The following GPR65 variants were observed in gnomAD, a reference collection of about 807,000 sequenced individuals.
The protein encoded by GPR65 is G protein-coupled receptor 65, also known as T-cell death-associated gene 8 protein.
A neutral mutation model predicts 0.7 loss-of-function variants in GPR65; 2 were observed. That is an observed-to-expected ratio of 2.83 (90% CI 1.16 to 8.92). GPR65 has a LOEUF of 8.92. GPR65 is among the 30% of genes most tolerant of loss of function. GPR65 has a pLI of 0.04. For missense variants in GPR65, 379 were observed against 399.4 expected, an observed-to-expected ratio of 0.95 and a Z score of 0.43; for synonymous variants, 128 against 146.5, an observed-to-expected ratio of 0.87 and a Z score of 0.91.
chr14:88,007,784 C>CTCTCTGTG (rs1555385214), intron 1 of GPR65, among the ~76,000 whole-genome samples: 1 of 114,028 alleles, frequency 8.8e-6, no homozygotes, highest in African/African-American at 3.6e-5. Context: ...ATTATTCTCT[C>CTCTCTGTG]TGTGTGTATG....
At chr14:88,008,672 G>T (rs1887632263) in intron 1 of GPR65, among the ~76,000 whole-genome samples, 3 of 152,100 alleles carry the variant, frequency 2.0e-5, no homozygotes, top group Admixed American at 2.0e-4. Flanking sequence ...ACCTAGAGGT[G>T]GAATTGCTGG....
chr14:88,006,760 A>G (rs1887600164), intron 1 of GPR65, among the ~76,000 whole-genome samples: 1 of 152,148 alleles, frequency 6.6e-6, no homozygotes, highest in African/African-American at 2.4e-5. Flanking sequence ...CCCAAGACAC[A>G]TGAGCCTGGT....
rs1040220344 is a variant in GPR65, at chr14:88,010,455, C to A, written c.-393C>A. The A allele has an allele frequency of 1.2e-5, 2 of 170,660 alleles. No homozygotes were observed. Among genetic ancestry groups the A allele is most frequent in the South Asian group, 2.9e-4 (2 of 6,922 alleles). The allele number at this position is 170,660 out of a possible 1,614,324, so 10.6% of individuals were successfully genotyped here. Reference sequence around the variant, plus strand: ...ACAAAGCCTTGTATATTCATGTTTGCACCAATCTACTGTGAGATTTATGAA... The same window carrying A: ...ACAAAGCCTTGTATATTCATGTTTGAACCAATCTACTGTGAGATTTATGAA... On this transcript the variant is annotated 5_prime_UTR_variant, in exon 2 of 2. Coordinates refer to ENST00000267549, the MANE Select transcript of GPR65 (RefSeq NM_003608.4).
chr14:88,014,684 T>C lies in GPR65; in HGVS notation c.*2823T>C, dbSNP rs935675334. 3.3e-5 allele frequency: 5 copies of C among 152,130 alleles called. No individual in the cohort carries two copies. The highest frequency in any genetic ancestry group is 1.2e-4 in the African/African-American group (5 of 41,446). The allele number at this position is 152,130 out of a possible 1,614,324, so 9.4% of individuals were successfully genotyped here. ...CTCCTCAAATAATGTTACAATTCGA[T>C]GTTCAAAAAGCAATCCAGGTACATA... On this transcript the variant is annotated 3_prime_UTR_variant, in exon 2 of 2. Coordinates refer to ENST00000267549, the MANE Select transcript of GPR65 (RefSeq NM_003608.4).
In GPR65 at chr14:88,012,126, G is replaced by A; in HGVS notation, c.*265G>A. 1 of 281,480 alleles carries A rather than the reference G, an allele frequency of 3.6e-6. No homozygotes were observed. The highest frequency in any genetic ancestry group is 7.1e-6 in the Non-Finnish European group (1 of 140,982). The allele number at this position is 281,480 out of a possible 1,614,324, so 17.4% of individuals were successfully genotyped here. ...TAATGCCAATTGTTTTTGTATCTGT[G>A]CTATAATCCCTTAGAGTCAGTAAAG... On this transcript the variant is annotated 3_prime_UTR_variant, in exon 2 of 2. Transcript: ENST00000267549.
Position 88,011,523 on chromosome 14 carries a change from A to C in GPR65, c.676A>C (p.Lys226Gln). The C allele has an allele frequency of 6.2e-7, 1 of 1,613,982 alleles. No individual in the cohort carries two copies. The highest frequency in any genetic ancestry group is 1.7e-5 in the Admixed American group (1 of 59,988). ...AAACAAGGAAAAGAAGAGAATCATA[A>C]AACTACTTGTCAGCATCACAGTTAC... ...TENKEKKRII[K>Q]LLVSITVTFV... is the part of the protein sequence containing the mutation. The change falls in exon 2 of 2, where the codon AAA becomes CAA. Residue 226 changes from lysine (K) to glutamine (Q), a missense_variant. Coordinates refer to ENST00000267549, the MANE Select transcript of GPR65 (RefSeq NM_003608.4).
intron 1 of GPR65, among the ~76,000 whole-genome samples, chr14:88,007,104 A>G (rs1567028104): frequency 6.6e-6 from 1 of 152,102 alleles, no homozygotes; most frequent in Admixed American, 6.6e-5. Context: ...TAGGTAGTCC[A>G]TCTTTCCTCT....
Position 88,013,971 on chromosome 14 carries a change from G to A in GPR65, c.*2110G>A, listed in dbSNP as rs909314772. On this transcript the variant is annotated 3_prime_UTR_variant, in exon 2 of 2. Transcript: ENST00000267549. ...TTCTGTACGGGACCTCTTATTAATA[G>A]TTCACCACTAGCCGCCACTCCAGAA... The A allele has an allele frequency of 6.6e-6, 1 of 152,166 alleles. No individual in the cohort carries two copies. Among genetic ancestry groups the A allele is most frequent in the Admixed American group, 6.5e-5 (1 of 15,270 alleles). 9.4% of individuals were successfully genotyped at this position (152,166 alleles called of 1,614,324 possible).
At chr14:88,006,894 T>A (rs1271357374) in intron 1 of GPR65, among the ~76,000 whole-genome samples, 1 of 152,180 alleles carries the variant, frequency 6.6e-6, no homozygotes, top group Non-Finnish European at 1.5e-5. Flanking sequence ...GTTTCTTTAG[T>A]GGGGATTTTG....
chr14:88,005,532 C>T (rs1441760641), intron 1 of GPR65, among the ~76,000 whole-genome samples: 1 of 152,130 alleles, frequency 6.6e-6, no homozygotes, highest in Non-Finnish European at 1.5e-5. Context: ...TAGGAAGAAG[C>T]CTACCAGCCC....
rs1887736483 is a variant in GPR65, at chr14:88,014,546, C to T, written c.*2685C>T. ...ATACAATCATGTTCTAATTTACTAGCATTTGCATATTTTAGAAATATAATG... is the reference window on the plus strand; with the variant it reads ...ATACAATCATGTTCTAATTTACTAGTATTTGCATATTTTAGAAATATAATG... On this transcript the variant is annotated 3_prime_UTR_variant, in exon 2 of 2. Coordinates refer to ENST00000267549, the MANE Select transcript of GPR65 (RefSeq NM_003608.4). 1 of 152,182 alleles carries T rather than the reference C, an allele frequency of 6.6e-6. No homozygotes were observed. Among genetic ancestry groups the T allele is most frequent in the Non-Finnish European group, 1.5e-5 (1 of 68,028 alleles). The allele number at this position is 152,182 out of a possible 1,614,324, so 9.4% of individuals were successfully genotyped here.
At chr14:88,009,485 C>T (rs1478327204) in intron 1 of GPR65, among the ~76,000 whole-genome samples, 1 of 152,036 alleles carries the variant, frequency 6.6e-6, no homozygotes, top group Non-Finnish European at 1.5e-5. Context: ...TCTTTTTGTG[C>T]TCAGGATTCA....
In GPR65 at chr14:88,014,726, C is replaced by G. The variant is rs1249839742; in HGVS notation, c.*2865C>G. ...AGGTACATAGCCATAAAGGGATGAG[C>G]TAGAGAGGTCTCCATATTATCATTC... On this transcript the variant is annotated 3_prime_UTR_variant, in exon 2 of 2. Transcript: ENST00000267549. 2 of 151,962 alleles carry G rather than the reference C, an allele frequency of 1.3e-5. No homozygotes were observed. Among genetic ancestry groups the G allele is most frequent in the African/African-American group, 4.8e-5 (2 of 41,398 alleles). The allele number at this position is 151,962 out of a possible 1,614,324, so 9.4% of individuals were successfully genotyped here. A position where few individuals can be genotyped will look rare whatever the true frequency, so the allele number is the denominator to read the frequency against.
At chr14:88,007,792 ATGTGTGTG>A (rs3994051) in intron 1 of GPR65, among the ~76,000 whole-genome samples, 2 of 136,166 alleles carry the variant, frequency 1.5e-5, no homozygotes, top group South Asian at 2.2e-4. Flanking sequence ...CTCTGTGTGT[ATGTGTGTG>A]TGTGTGTGTG....
rs1887688672 is a variant in GPR65, at chr14:88,011,931, A to G, written c.*70A>G. 1.1e-5 allele frequency: 13 copies of G among 1,183,964 alleles called. No homozygotes were observed. The South Asian group carries it at 2.0e-4, about 18-fold the overall frequency. 73.3% of individuals were successfully genotyped at this position (1,183,964 alleles called of 1,614,324 possible). A position where few individuals can be genotyped will look rare whatever the true frequency, so the allele number is the denominator to read the frequency against. ...ATTATATCATCAAGATTACATTTTG[A>G]AAAGGAAATCTAGCATGTGAGGGGA... is the stretch of plus-strand genomic sequence containing the variant. On this transcript the variant is annotated 3_prime_UTR_variant, in exon 2 of 2. Transcript: ENST00000267549.
At chr14:88,007,360 T>C (rs950200995) in intron 1 of GPR65, among the ~76,000 whole-genome samples, 5 of 152,072 alleles carry the variant, frequency 3.3e-5, no homozygotes, top group African/African-American at 1.2e-4. Flanking sequence ...TCGATCTTTA[T>C]GGAATTCCAA....
intron 1 of GPR65, among the ~76,000 whole-genome samples, chr14:88,006,144 T>G (rs181793340): frequency 8.8e-4 from 134 of 152,352 alleles, no homozygotes; most frequent in Non-Finnish European, 1.5e-3. Flanking sequence ...GCTTTTCTGC[T>G]ATGCTGTGGC....
intron 1 of GPR65, among the ~76,000 whole-genome samples, chr14:88,007,764 G>A (rs993675626): frequency 6.8e-6 from 1 of 146,272 alleles, no homozygotes; most frequent in Non-Finnish European, 1.5e-5. Flanking sequence ...AATCTGACAC[G>A]TAGTTGCTTA....
At position 88,011,970 on chromosome 14, in the gene GPR65, G is replaced by C; in HGVS notation, c.*109G>C. On this transcript the variant is annotated 3_prime_UTR_variant, in exon 2 of 2. Transcript: ENST00000267549. ...CATGTGAGGGGACTAAGTGTTCTCA[G>C]AGTGATGTTTTAATCCAGTCCAATA... The C allele has an allele frequency of 1.3e-6, 1 of 770,684 alleles. No homozygotes were observed. The highest frequency in any genetic ancestry group is 2.1e-6 in the Non-Finnish European group (1 of 469,562). 47.7% of individuals were successfully genotyped at this position (770,684 alleles called of 1,614,324 possible). A position where few individuals can be genotyped will look rare whatever the true frequency, so the allele number is the denominator to read the frequency against.
Sources: allele counts gnomAD v4.1 joint callset (sites outside exome capture counted in the v4.1 genomes callset), GRCh38; gene constraint gnomAD v4.1.1; transcripts MANE v1.5; gene names NCBI Gene and HGNC (gene_info 2026-07-23, HGNC 2026-07-21).